MYOCOS: variants seen among roughly 807,000 people sequenced by gnomAD.
The protein encoded by MYOCOS is myocilin opposite strand.
At chr1:171,615,853 C>A (rs1652438778) in intron 2 of MYOCOS, among the ~76,000 whole-genome samples, 1 of 152,168 alleles carries the variant, frequency 6.6e-6, no homozygotes, top group African/African-American at 2.4e-5. Flanking sequence ...AAAGCCCTTC[C>A]TTCTACAACT....
At chr1:171,607,489 C>G (rs772154246) in intron 1 of MYOCOS, among the ~76,000 whole-genome samples, 11 of 152,102 alleles carry the variant, frequency 7.2e-5, no homozygotes, top group Non-Finnish European at 1.2e-4. Context: ...AAATGTAAGC[C>G]CTCTCACCAT....
chr1:171,602,857 TAAAAC>T (rs1652169300), intron 1 of MYOCOS, among the ~76,000 whole-genome samples: 1 of 152,164 alleles, frequency 6.6e-6, no homozygotes, highest in South Asian at 2.1e-4. Flanking sequence ...GTTAAAGACT[TAAAAC>T]AAACTTTGGC....
intron 1 of MYOCOS, among the ~76,000 whole-genome samples, chr1:171,612,021 A>T (rs1652359577): frequency 6.6e-6 from 1 of 152,210 alleles, no homozygotes; most frequent in African/African-American, 2.4e-5. Flanking sequence ...AAATAAATTC[A>T]ACAGGGATAT....
At chr1:171,605,373 C>CCACACACACACACACA (rs55880778) in intron 1 of MYOCOS, among the ~76,000 whole-genome samples, 1 of 139,280 alleles carries the variant, frequency 7.2e-6, no homozygotes, top group South Asian at 2.6e-4. Flanking sequence ...ATTAATAGTA[C>CCACACACACACACACA]CACACACACA....
At chr1:171,615,508 T>C (rs57295197) in intron 2 of MYOCOS, among the ~76,000 whole-genome samples, 11,814 of 152,066 alleles carry the variant, frequency 0.078, 1,546 homozygotes, top group African/African-American at 0.27. Context: ...GGAAGTAAAA[T>C]CAAAGACAGG....
chr1:171,617,508 T>C (rs1652472477), upstream of MYOCOS, among the ~76,000 whole-genome samples: 1 of 152,148 alleles, frequency 6.6e-6, no homozygotes, highest in Non-Finnish European at 1.5e-5. Context: ...TGGAAATCAA[T>C]GAAGACAATG....
chr1:171,602,604 G>C (rs1652164549), intron 1 of MYOCOS, among the ~76,000 whole-genome samples: 3 of 152,060 alleles, frequency 2.0e-5, no homozygotes, highest in Admixed American at 2.0e-4. Flanking sequence ...GTTAAAAAGA[G>C]TCTATAAAAT....
At chr1:171,623,334 G>A (rs1572206444) in intron 1 of MYOCOS, among the ~76,000 whole-genome samples, 2 of 152,328 alleles carry the variant, frequency 1.3e-5, no homozygotes, top group African/African-American at 4.8e-5. Flanking sequence ...CAAGTAGCAT[G>A]GCTCCCAGCT....
At chr1:171,614,222 T>G (rs930003011) in intron 1 of MYOCOS, among the ~76,000 whole-genome samples, 10 of 152,138 alleles carry the variant, frequency 6.6e-5, no homozygotes, top group African/African-American at 2.4e-4. Flanking sequence ...CTTTTTAGAG[T>G]TTAATTCCTC....
intron 1 of MYOCOS, among the ~76,000 whole-genome samples, chr1:171,622,838 T>G (rs1652602047): frequency 6.6e-6 from 1 of 152,214 alleles, no homozygotes; most frequent in African/African-American, 2.4e-5. Context: ...CTGTGACTCC[T>G]GAAAAGCTAC....
chr1:171,619,068 C>T (rs1652506183), upstream of MYOCOS, among the ~76,000 whole-genome samples: 1 of 152,142 alleles, frequency 6.6e-6, no homozygotes, highest in Non-Finnish European at 1.5e-5. Flanking sequence ...GGATATTTTT[C>T]TATTGCTTCT....
At chr1:171,607,093 CAA>C (rs35353881) in intron 1 of MYOCOS, among the ~76,000 whole-genome samples, 59 of 66,800 alleles carry the variant, frequency 8.8e-4, no homozygotes, top group East Asian at 3.1e-3. Flanking sequence ...GACTCTGTCT[CAA>C]AAAAAAAAAA....
At chr1:171,619,554 T>C (rs1187040221), upstream of MYOCOS, among the ~76,000 whole-genome samples, 2 of 152,026 alleles carry the variant, frequency 1.3e-5, no homozygotes, top group African/African-American at 4.8e-5. Context: ...AACAGATTAT[T>C]TAAATAAATC....
At position 171,608,667 on chromosome 1, in the gene MYOCOS, C is replaced by T. The variant is rs180689094; in HGVS notation, c.-251-6131C>T. Among the ~76,000 whole-genome samples the T allele has an allele frequency of 1.4e-4, 22 of 151,976 alleles. No individual in the cohort carries two copies. The East Asian group carries it at 3.9e-3, about 27-fold the overall frequency. The stretch of plus-strand genomic sequence containing the variant: ...CGATCTCCTGACCTCATGATCTGCC[C>T]GCCTCGGCCTCCCAAAGGGCTGGGA... On this transcript the variant is annotated intron_variant, in intron 1 of 3. Transcript: ENST00000636697.
intron 2 of MYOCOS, among the ~76,000 whole-genome samples, chr1:171,625,656 G>A (rs576629473): frequency 5.3e-5 from 8 of 152,176 alleles, no homozygotes; most frequent in African/African-American, 1.2e-4. Context: ...AAGGGGAGGC[G>A]AACCCCACAG....
chr1:171,623,349 C>G (rs1652612585), intron 1 of MYOCOS, among the ~76,000 whole-genome samples: 2 of 152,134 alleles, frequency 1.3e-5, no homozygotes, highest in South Asian at 4.2e-4. Flanking sequence ...CCAGCTGCAG[C>G]CTTATTTATG....
chr1:171,606,196 A>G (rs1029840572), intron 1 of MYOCOS, among the ~76,000 whole-genome samples: 4 of 152,230 alleles, frequency 2.6e-5, no homozygotes, highest in African/African-American at 7.2e-5. Context: ...TCTTTAAATG[A>G]TAAAAAAGCT....
chr1:171,604,102 G>T (rs1652196735), intron 1 of MYOCOS: 1 of 151,988 alleles, frequency 6.6e-6, no homozygotes, highest in African/African-American at 2.4e-5. Context: ...GTTTATTCTA[G>T]TAGGCCCAAC....
chr1:171,608,058 A>G (rs1350344241), intron 1 of MYOCOS, among the ~76,000 whole-genome samples: 2 of 152,198 alleles, frequency 1.3e-5, no homozygotes, highest in Non-Finnish European at 2.9e-5. Flanking sequence ...ATTCGCTACC[A>G]CGACAGCAGT....
Sources: gnomAD v4.1 joint callset for allele counts (sites outside exome capture counted in the v4.1 genomes callset) on GRCh38, gnomAD v4.1.1 for gene constraint, MANE v1.5 for transcripts, NCBI Gene and HGNC (gene_info 2026-07-23, HGNC 2026-07-21) for gene names.